The following WDR64 variants were observed in gnomAD, a reference collection of about 807,000 sequenced individuals.
The protein encoded by WDR64 is WD repeat-containing protein 64.
WDR64 carries 112 observed loss-of-function variants against 139.3 expected under a neutral mutation model. That is an observed-to-expected ratio of 0.80 (90% CI 0.69 to 0.94). WDR64 has a LOEUF of 0.94. Among genes scored for constraint, WDR64 ranks in the 40% least tolerant of loss-of-function variants. The pLI is 0.00. For missense variants in WDR64, 1,206 were observed against 1,293.1 expected, an observed-to-expected ratio of 0.93 and a Z score of 1.03; for synonymous variants, 444 against 437.7, an observed-to-expected ratio of 1.01 and a Z score of -0.18.
chr1:241,748,042 C>T (rs1231323283), intron 13 of WDR64, among the ~76,000 whole-genome samples: 1 of 152,208 alleles, frequency 6.6e-6, no homozygotes, highest in African/African-American at 2.4e-5. Flanking sequence ...TGGCCTCCCT[C>T]ATGGTGCAGA....
chr1:241,735,853 CTCTGTGTGTGTGTGTGTG>C (rs1669300270), intron 10 of WDR64, among the ~76,000 whole-genome samples: 2 of 91,286 alleles, frequency 2.2e-5, no homozygotes, highest in Non-Finnish European at 4.3e-5. Flanking sequence ...CTCTCTCTCT[CTCTGTGTGTGTGTGTGTG>C]TGTGTGTGTG....
intron 8 of WDR64, among the ~76,000 whole-genome samples, chr1:241,700,995 T>G (rs912527094): frequency 3.3e-5 from 5 of 152,216 alleles, no homozygotes; most frequent in African/African-American, 1.2e-4. Context: ...ATTATGATGA[T>G]GCCAACATTC....
intron 13 of WDR64, among the ~76,000 whole-genome samples, chr1:241,745,941 A>G (rs1669740249): frequency 6.6e-6 from 1 of 152,210 alleles, no homozygotes; most frequent in African/African-American, 2.4e-5. Context: ...GTAGCAGGAA[A>G]TCTGGACAAG....
At chr1:241,724,757 T>TA (rs1668736272) in intron 10 of WDR64, among the ~76,000 whole-genome samples, 1 of 152,232 alleles carries the variant, frequency 6.6e-6, no homozygotes, top group Non-Finnish European at 1.5e-5. Flanking sequence ...TATGACTAAA[T>TA]AAACATTCAA....
At chr1:241,770,101 T>C (rs1157912982) in intron 17 of WDR64, among the ~76,000 whole-genome samples, 1 of 152,216 alleles carries the variant, frequency 6.6e-6, no homozygotes, top group East Asian at 1.9e-4. Context: ...TGAGCCAGAA[T>C]GTAACCCCTT....
chr1:241,738,622 G>C, intron 11 of WDR64, 133 bp downstream of exon 11: 1 of 952,448 alleles, frequency 1.0e-6, no homozygotes, highest in Non-Finnish European at 1.5e-6. Flanking sequence ...ATTCGTGACA[G>C]TAGATATTTA....
intron 8 of WDR64, among the ~76,000 whole-genome samples, chr1:241,708,179 T>C (rs1224696182): frequency 6.6e-6 from 1 of 152,180 alleles, no homozygotes. Context: ...CAAATGGGGG[T>C]AGAAAACTCT....
intron 25 of WDR64, among the ~76,000 whole-genome samples, chr1:241,791,493 T>C (rs1158734560): frequency 6.6e-6 from 1 of 152,072 alleles, no homozygotes; most frequent in African/African-American, 2.4e-5. Flanking sequence ...ATAGTGAGAC[T>C]ATGTCTCTAT....
At position 241,749,694 on chromosome 1, in the gene WDR64, A is replaced by G. The variant is rs752384915; in HGVS notation, c.1742A>G (p.Glu581Gly). ...EKHQQLVLALERNGTIKMIQG... is the reference protein window; with the variant it reads ...EKHQQLVLALGRNGTIKMIQG... ...CACCAGCAGCTGGTCCTGGCCTTGG[A>G]GCGCAACGGGACTATCAAAATGATC... Residue 581 changes from glutamate to glycine, a missense_variant, in exon 14 of 28, where the codon GAG becomes GGG. Physicochemically the swap from Glu to Gly is moderately conservative, Grantham distance 98. Coordinates refer to ENST00000437684, the MANE Select transcript of WDR64 (RefSeq NM_001367482.1). The G allele has an allele frequency of 1.2e-6, 2 of 1,614,092 alleles. No homozygotes were observed. The highest frequency in any genetic ancestry group is 1.1e-5 in the South Asian group (1 of 91,066).
At chr1:241,716,533 A>G (rs138368693) in intron 9 of WDR64, among the ~76,000 whole-genome samples, 50 of 152,172 alleles carry the variant, frequency 3.3e-4, no homozygotes, top group African/African-American at 1.1e-3. Flanking sequence ...CACAATTGCT[A>G]TAGACTAGGC....
intron 15 of WDR64, among the ~76,000 whole-genome samples, chr1:241,760,408 C>T (rs920474342): frequency 6.0e-5 from 9 of 149,504 alleles, no homozygotes; most frequent in African/African-American, 2.2e-4. Context: ...AACCGGAAGC[C>T]TCATCTACAC....
chr1:241,705,092 A>G (rs1481647017), intron 8 of WDR64, among the ~76,000 whole-genome samples: 1 of 152,182 alleles, frequency 6.6e-6, no homozygotes, highest in Non-Finnish European at 1.5e-5. Flanking sequence ...TCTACTCCAG[A>G]AGAGCCTAAA....
intron 2 of WDR64, among the ~76,000 whole-genome samples, chr1:241,661,163 T>TA (rs371690583): frequency 0.04 from 6,035 of 149,124 alleles, 155 homozygotes; most frequent in Non-Finnish European, 0.055. Context: ...TCTGGTTCTT[T>TA]AAAAAAAAAA....
At chr1:241,758,306 C>T (rs933275523) in intron 15 of WDR64, among the ~76,000 whole-genome samples, 3 of 134,906 alleles carry the variant, frequency 2.2e-5, no homozygotes, top group East Asian at 4.0e-4. Flanking sequence ...CTCATAATGA[C>T]CAGTTGTCTT....
intron 4 of WDR64, among the ~76,000 whole-genome samples, chr1:241,676,907 T>C (rs1287910518): frequency 6.6e-6 from 1 of 152,104 alleles, no homozygotes; most frequent in African/African-American, 2.4e-5. Flanking sequence ...TAAGATTTAA[T>C]ACAGCAGGAA....
rs143146696 is a variant in WDR64 at position 241,763,995 on chromosome 1, G to A, written c.1948-2223G>A. ...GCTTGGCTCAGATAGGCAGTTTCTA[G>A]AGGATAGTGAAAAGACAGTGAATCT... is the stretch of plus-strand genomic sequence containing the variant. On this transcript the variant is annotated intron_variant, in intron 15 of 27. Coordinates refer to ENST00000437684, the MANE Select transcript of WDR64 (RefSeq NM_001367482.1). Among the ~76,000 whole-genome samples the A allele has an allele frequency of 8.0e-3, 1,216 of 152,264 alleles. 3 individuals carry two copies. Among genetic ancestry groups the A allele is most frequent in the East Asian group, 0.034 (176 of 5,162 alleles).
At chr1:241,721,437 C>T (rs1263506835) in intron 9 of WDR64, among the ~76,000 whole-genome samples, 1 of 152,070 alleles carries the variant, frequency 6.6e-6, no homozygotes, top group Non-Finnish European at 1.5e-5. Context: ...CGCCTTTATA[C>T]AGCCTTTTTG....
intron 8 of WDR64, among the ~76,000 whole-genome samples, chr1:241,691,235 G>A (rs1260035778): frequency 3.3e-5 from 5 of 152,052 alleles, no homozygotes; most frequent in Non-Finnish European, 7.4e-5. Context: ...CAGAAAAAGA[G>A]TAAAAGACAA....
At chr1:241,758,907 C>T (rs1371369633) in intron 15 of WDR64, among the ~76,000 whole-genome samples, 1 of 152,108 alleles carries the variant, frequency 6.6e-6, no homozygotes, top group Admixed American at 6.5e-5. Context: ...TTTCAATAGA[C>T]AGCTAAGAAA....
Sources: allele counts gnomAD v4.1 joint callset (sites outside exome capture counted in the v4.1 genomes callset), GRCh38; gene constraint gnomAD v4.1.1; transcripts MANE v1.5; gene names NCBI Gene and HGNC (gene_info 2026-07-23, HGNC 2026-07-21).